Variants in PRKCQ observed in about 807,000 individuals in gnomAD.
The protein encoded by PRKCQ is protein kinase C theta type.
In PRKCQ, 41 loss-of-function variants were observed where a neutral mutation model predicts 91.2. The ratio of observed to expected loss-of-function variants is 0.45; its 90% CI spans 0.35 to 0.58. PRKCQ has a LOEUF of 0.58. Ranked by LOEUF, PRKCQ falls within the 20% of genes least tolerant of loss-of-function variation. The probability of loss-of-function intolerance (pLI) is 0.00; values close to 1 mark genes in which losing one functional copy is unlikely to be tolerated. For missense variants in PRKCQ, 673 were observed against 896.5 expected (o/e 0.75, Z 3.18); for synonymous variants, 307 against 316.9 (o/e 0.97, Z 0.33).
At position 6,497,258 on chromosome 10, in the gene PRKCQ, T is replaced by C; in HGVS notation, c.543-7A>G. 6.2e-7 allele frequency: 1 copy of C among 1,614,130 alleles called. No individual in the cohort carries two copies. Among genetic ancestry groups the C allele is most frequent in the South Asian group, 1.1e-5 (1 of 91,080 alleles). ...GCCCTGTTTGTTCAGGCCCCTGTAA[T>C]AAAGCACACGCTGATTTATTTCAAT... On this transcript the variant is annotated splice_region_variant and splice_polypyrimidine_tract_variant and intron_variant, in intron 5 of 17. Coordinates refer to ENST00000263125, the MANE Select transcript of PRKCQ (RefSeq NM_006257.5). This position sits in a 1 kb window ranked among gnomAD's most constrained non-coding sequence, Gnocchi z 4.5.
At chr10:6,532,968 C>G (rs1439297213) in intron 1 of PRKCQ, among the ~76,000 whole-genome samples, 1 of 152,080 alleles carries the variant, frequency 6.6e-6, no homozygotes, top group East Asian at 1.9e-4. Context: ...TGAATCTAAG[C>G]TCTATGACTT....
chr10:6,570,163 G>A (rs1054567952), intron 1 of PRKCQ, among the ~76,000 whole-genome samples: 5 of 152,114 alleles, frequency 3.3e-5, no homozygotes, highest in African/African-American at 4.8e-5. Flanking sequence ...GGTAAGAGGC[G>A]GGTAGAACTC....
At chr10:6,466,425 GAGA>G (rs1438924823) in intron 12 of PRKCQ, among the ~76,000 whole-genome samples, 1 of 152,210 alleles carries the variant, frequency 6.6e-6, no homozygotes, top group African/African-American at 2.4e-5. Flanking sequence ...ACATGAGGGT[GAGA>G]AGAAGACTAC....
At chr10:6,426,444 G>C (rs984599766), downstream of PRKCQ, among the ~76,000 whole-genome samples, 14 of 152,216 alleles carry the variant, frequency 9.2e-5, no homozygotes, top group African/African-American at 3.1e-4. Context: ...AAACATGTGT[G>C]AGCATTTTCA....
chr10:6,444,523 C>T (rs540689627), intron 15 of PRKCQ, among the ~76,000 whole-genome samples: 1 of 152,154 alleles, frequency 6.6e-6, no homozygotes, highest in South Asian at 2.1e-4. Context: ...TTCATGACTG[C>T]TGCTCCAAGG....
the PRKCQ span, among the ~76,000 whole-genome samples, chr10:6,400,855 G>A: frequency 3.9e-5 from 6 of 152,024 alleles, no homozygotes; most frequent in Admixed American, 2.0e-4. Context: ...TCTACAAAAA[G>A]CAGAAGAAAG....
chr10:6,488,659 C>G (rs936186705), intron 8 of PRKCQ, among the ~76,000 whole-genome samples: 1 of 152,206 alleles, frequency 6.6e-6, no homozygotes, highest in Non-Finnish European at 1.5e-5. Context: ...GCTGAGATTA[C>G]AGGTGTGAGC....
chr10:6,509,296 T>A (rs1838352233), intron 3 of PRKCQ, among the ~76,000 whole-genome samples: 1 of 152,162 alleles, frequency 6.6e-6, no homozygotes, highest in South Asian at 2.1e-4. Flanking sequence ...CAGTGAAGAC[T>A]ACTTAACAAA....
chr10:6,460,736 C>T (rs1024981316), intron 14 of PRKCQ, among the ~76,000 whole-genome samples: 2 of 152,222 alleles, frequency 1.3e-5, no homozygotes, highest in Admixed American at 6.5e-5. Flanking sequence ...GGTGATCCAT[C>T]TGCCTTGGCC....
Position 6,430,677 on chromosome 10 carries a change from C to A in PRKCQ, c.1965+133G>T. The A allele has an allele frequency of 7.5e-7, 1 of 1,327,806 alleles. No homozygotes were observed. Among genetic ancestry groups the A allele is most frequent in the Non-Finnish European group, 1.0e-6 (1 of 966,834 alleles). 82.3% of individuals were successfully genotyped at this position (1,327,806 alleles called of 1,614,324 possible). On this transcript the variant is annotated intron_variant, in intron 17 of 17. Transcript: ENST00000263125. The surrounding 1 kb of genome is among the most constrained non-coding windows in gnomAD (Gnocchi z 4.7). The stretch of plus-strand genomic sequence containing the variant: ...GTAACATGTGTTAGAGACGTGCATT[C>A]CTCCTGGAGAGTGGGGCTGGTGGGG...
At chr10:6,559,346 T>C (rs1407336638) in intron 1 of PRKCQ, among the ~76,000 whole-genome samples, 1 of 152,010 alleles carries the variant, frequency 6.6e-6, no homozygotes, top group African/African-American at 2.4e-5. Context: ...TTTTTCTAGA[T>C]CATCTAGTGA....
the PRKCQ span, among the ~76,000 whole-genome samples, chr10:6,409,237 A>G: frequency 6.6e-6 from 1 of 152,210 alleles, no homozygotes; most frequent in Non-Finnish European, 1.5e-5. Flanking sequence ...AGGCATTAAT[A>G]TGGGTGTTCC....
chr10:6,534,791 T>TATATAA (rs1491101032), intron 1 of PRKCQ, among the ~76,000 whole-genome samples: 1 of 117,858 alleles, frequency 8.5e-6, no homozygotes, highest in East Asian at 2.1e-4. Context: ...TATATATATA[T>TATATAA]AGATATATAT....
chr10:6,414,331 A>G, the PRKCQ span, among the ~76,000 whole-genome samples: 1 of 152,254 alleles, frequency 6.6e-6, no homozygotes. Flanking sequence ...AAGTAACTTT[A>G]CCACATCACA....
chr10:6,495,738 G>A (rs1353927087), intron 7 of PRKCQ, among the ~76,000 whole-genome samples: 1 of 152,228 alleles, frequency 6.6e-6, no homozygotes, highest in African/African-American at 2.4e-5. Context: ...AACGGTGGGA[G>A]AAGGAAGTCA....
At chr10:6,571,971 C>A (rs73617891) in intron 1 of PRKCQ, among the ~76,000 whole-genome samples, 5 of 152,114 alleles carry the variant, frequency 3.3e-5, no homozygotes, top group African/African-American at 4.8e-5. Context: ...CAGGGGTCAG[C>A]GCTAGTAATT....
chr10:6,564,273 G>C (rs1338045016), intron 1 of PRKCQ, among the ~76,000 whole-genome samples: 1 of 152,158 alleles, frequency 6.6e-6, no homozygotes, highest in African/African-American at 2.4e-5. Context: ...AGCGAGACTA[G>C]AGGCTCAATC....
chr10:6,489,516 A>AGAC (rs1564345156), intron 8 of PRKCQ: 1 of 512,986 alleles, frequency 1.9e-6, no homozygotes, highest in Non-Finnish European at 4.0e-6. Context: ...GCCCTACTTA[A>AGAC]GACGACGGCC....
chr10:6,496,768 G>A (rs1044968927), intron 7 of PRKCQ, among the ~76,000 whole-genome samples: 3 of 151,762 alleles, frequency 2.0e-5, no homozygotes, highest in African/African-American at 4.8e-5. Flanking sequence ...TCCGCCTCCC[G>A]AATTCAAGAG....
Sources: gnomAD v4.1 joint callset for allele counts (sites outside exome capture counted in the v4.1 genomes callset) on GRCh38, gnomAD v4.1.1 for gene constraint, Gnocchi (gnomAD v3.1) non-coding constraint, MANE v1.5 for transcripts, NCBI Gene and HGNC (gene_info 2026-07-23, HGNC 2026-07-21) for gene names.